Variants in VAT1L observed in about 807,000 individuals in gnomAD.
VAT1L encodes the protein putative NADPH-dependent quinone oxidoreductase VAT1L.
Under a neutral mutation model 44.1 loss-of-function variants are expected in VAT1L, and 34 were observed. The ratio of observed to expected loss-of-function variants is 0.77; its 90% confidence interval spans 0.59 to 1.03. VAT1L has a LOEUF of 1.03. Ranked by LOEUF, VAT1L falls within the 50% of genes least tolerant of loss-of-function variation. The pLI is 0.00. For synonymous variants in VAT1L, 253 were observed against 202.2 expected, an observed-to-expected ratio of 1.25 and a Z score of -2.13; for missense variants, 615 against 538.8, an observed-to-expected ratio of 1.14 and a Z score of -1.40.
At chr16:77,837,650 G>T (rs1227362059) in intron 3 of VAT1L, among the ~76,000 whole-genome samples, 13 of 152,136 alleles carry the variant, frequency 8.5e-5, no homozygotes, top group Non-Finnish European at 1.9e-4. Context: ...GAAACTTAAG[G>T]GTCCAGATTC....
intron 7 of VAT1L, among the ~76,000 whole-genome samples, chr16:77,955,723 C>T (rs542048945): frequency 9.7e-4 from 120 of 123,324 alleles, no homozygotes; most frequent in African/African-American, 3.3e-3. Context: ...TCCATATCCC[C>T]CCCCCCAAAA....
chr16:77,803,245 C>T (rs558614885), intron 1 of VAT1L, among the ~76,000 whole-genome samples: 4 of 152,254 alleles, frequency 2.6e-5, no homozygotes, highest in African/African-American at 9.6e-5. Flanking sequence ...GTTCCTTAGT[C>T]ACACTAGTTA....
intron 5 of VAT1L, 43 bp downstream of exon 5, chr16:77,876,516 C>A (rs1176104582): frequency 1.9e-6 from 3 of 1,559,732 alleles, no homozygotes; most frequent in Non-Finnish European, 1.8e-6. Context: ...GCAATAGGTA[C>A]CTCTACATAT....
At chr16:77,967,024 A>G (rs148344649) in intron 7 of VAT1L, among the ~76,000 whole-genome samples, 44 of 151,282 alleles carry the variant, frequency 2.9e-4, no homozygotes, top group African/African-American at 1.0e-3. Flanking sequence ...TCTGGAGCCC[A>G]TCGAGCCCAT....
At chr16:77,878,320 A>G (rs1268634330) in intron 5 of VAT1L, among the ~76,000 whole-genome samples, 1 of 152,198 alleles carries the variant, frequency 6.6e-6, no homozygotes, top group East Asian at 1.9e-4. Flanking sequence ...ATAGTGTAAA[A>G]TACACATGAC....
chr16:77,965,168 A>G (rs951430796), intron 7 of VAT1L, among the ~76,000 whole-genome samples: 3 of 152,168 alleles, frequency 2.0e-5, no homozygotes, highest in African/African-American at 7.2e-5. Context: ...GAGAGAGAAC[A>G]TCTGTTTCAG....
At chr16:77,870,355 A>G (rs1043465864) in intron 4 of VAT1L, among the ~76,000 whole-genome samples, 1 of 152,222 alleles carries the variant, frequency 6.6e-6, no homozygotes, top group Non-Finnish European at 1.5e-5. Context: ...AGAAAAAGGG[A>G]TTCAGAAAGA....
intron 7 of VAT1L, among the ~76,000 whole-genome samples, chr16:77,919,655 A>G (rs2017590139): frequency 6.6e-6 from 1 of 152,340 alleles, no homozygotes; most frequent in African/African-American, 2.4e-5. Flanking sequence ...AGAAGGACAA[A>G]GAAATTACAA....
intron 1 of VAT1L, among the ~76,000 whole-genome samples, chr16:77,803,612 G>A (rs180748695): frequency 5.6e-4 from 85 of 151,844 alleles, no homozygotes; most frequent in South Asian, 4.2e-4. Context: ...GTAGAGACGG[G>A]GTTTCACTGT....
chr16:77,953,402 T>G (rs999181986), intron 7 of VAT1L, among the ~76,000 whole-genome samples: 3 of 152,230 alleles, frequency 2.0e-5, no homozygotes, highest in Non-Finnish European at 4.4e-5. Flanking sequence ...AGACTGGGTA[T>G]GATTTGTTAA....
intron 7 of VAT1L, among the ~76,000 whole-genome samples, chr16:77,916,790 C>T (rs553551795): frequency 1.4e-5 from 2 of 141,884 alleles, no homozygotes; most frequent in Admixed American, 7.4e-5. Context: ...TACTACACTG[C>T]GCTTTGCTCT....
intron 1 of VAT1L, among the ~76,000 whole-genome samples, chr16:77,814,952 CAT>C (rs1390228305): frequency 6.6e-6 from 1 of 152,180 alleles, no homozygotes; most frequent in Non-Finnish European, 1.5e-5. Flanking sequence ...CGTGGCACCA[CAT>C]GTCAGTGCTT....
chr16:77,973,710 T>C (rs554148884), intron 8 of VAT1L, among the ~76,000 whole-genome samples: 1 of 151,950 alleles, frequency 6.6e-6, no homozygotes, highest in South Asian at 2.1e-4. Flanking sequence ...TTCTTGCATA[T>C]TGTCATGTAA....
At chr16:77,976,460 G>A (rs1053330895) in intron 8 of VAT1L, among the ~76,000 whole-genome samples, 1 of 152,134 alleles carries the variant, frequency 6.6e-6, no homozygotes, top group African/African-American at 2.4e-5. Context: ...TGGCCAAGGG[G>A]GAGAACCCAG....
intron 7 of VAT1L, among the ~76,000 whole-genome samples, chr16:77,923,698 C>T (rs2142496091): frequency 6.6e-6 from 1 of 152,310 alleles, no homozygotes; most frequent in African/African-American, 2.4e-5. Context: ...ACAAAGGCTT[C>T]TCCCAAGCCT....
At chr16:77,807,917 T>C (rs1206606952) in intron 1 of VAT1L, among the ~76,000 whole-genome samples, 1 of 152,080 alleles carries the variant, frequency 6.6e-6, no homozygotes, top group Non-Finnish European at 1.5e-5. Flanking sequence ...CTTGGAATAA[T>C]TCTTTGGGGA....
chr16:77,946,279 C>CTTTTTTTTTTTTTTTTTTTTTTTTT lies in VAT1L; in HGVS notation c.1078-25549_1078-25548insTTTTTTTTTTTTTTTTTTTTTTTTT, dbSNP rs66461822. 3.9e-3 allele frequency among the ~76,000 whole-genome samples: 276 copies of CTTTTTTTTTTTTTTTTTTTTTTTTT among 70,412 alleles called. 99 individuals are homozygous for CTTTTTTTTTTTTTTTTTTTTTTTTT. The highest frequency in any genetic ancestry group is 6.2e-3 in the South Asian group (9 of 1,458). The allele number at this position is 70,412 out of a possible 152,430, so 46.2% of individuals were successfully genotyped here. A position where few individuals can be genotyped will look rare whatever the true frequency, so the allele number is the denominator to read the frequency against. ...GTTCTGGACATCTAGGTTACTTGTT[C>CTTTTTTTTTTTTTTTTTTTTTTTTT]TTTTTTTTTTTTTTTTTTTTTTGAG... On this transcript the variant is annotated intron_variant, in intron 7 of 8. Transcript: ENST00000302536.
At position 77,924,160 on chromosome 16, in the gene VAT1L, G is replaced by T. The variant is rs151029518; in HGVS notation, c.1077+39358G>T. Among the ~76,000 whole-genome samples the T allele has an allele frequency of 2.6e-5, 4 of 152,162 alleles. No individual in the cohort carries two copies. The East Asian group carries it at 7.7e-4, about 29-fold the overall frequency. On this transcript the variant is annotated intron_variant, in intron 7 of 8. Transcript: ENST00000302536. ...CTCCCGGAGAAGCTATATTGACTCA[G>T]ACACCCCCGAGTCAATGTTGTGGTC...
intron 7 of VAT1L, among the ~76,000 whole-genome samples, chr16:77,968,452 G>A (rs1047229954): frequency 4.6e-5 from 7 of 152,158 alleles, no homozygotes; most frequent in African/African-American, 1.2e-4. Context: ...TGGGCTGGGC[G>A]CGGTGGCTCA....
Sources: allele counts gnomAD v4.1 joint callset (sites outside exome capture counted in the v4.1 genomes callset), GRCh38; gene constraint gnomAD v4.1.1; transcripts MANE v1.5; gene names NCBI Gene and HGNC (gene_info 2026-07-23, HGNC 2026-07-21).